Variants in FAM9B observed in about 807,000 individuals in gnomAD.
The protein encoded by FAM9B is protein FAM9B.
In FAM9B, 18 loss-of-function variants were observed where a neutral mutation model predicts 16.6. The observed-to-expected ratio is 1.09, with a 90% CI of 0.75 to 1.61. FAM9B has a LOEUF of 1.61. FAM9B is among the 40% of genes most tolerant of loss of function. The pLI, the probability that FAM9B is intolerant of heterozygous loss-of-function variation, is 0.00. For synonymous variants in FAM9B, 43 were observed against 42.6 expected, an observed-to-expected ratio of 1.01 and a Z score of -0.03; for missense variants, 155 against 136.0, an observed-to-expected ratio of 1.14 and a Z score of -0.70.
chrX:9,028,802 C>T (rs1297017588), intron 6 of FAM9B, among the ~76,000 whole-genome samples: 1 of 111,532 alleles, frequency 9.0e-6, no homozygotes, highest in Non-Finnish European at 1.9e-5. Flanking sequence ...GTTTCTCCAA[C>T]TTCCCAACAT....
rs775253243 is a variant in FAM9B at position 9,032,761 on chromosome X, G to A, written c.28+198C>T. The A allele has an allele frequency of 6.8e-6, 4 of 586,776 alleles. No homozygotes were observed. The South Asian group carries it at 1.3e-4, about 19-fold the overall frequency. The allele number at this position is 586,776 out of a possible 1,213,427, so 48.4% of individuals were successfully genotyped here. A position where few individuals can be genotyped will look rare whatever the true frequency, so the allele number is the denominator to read the frequency against. On this transcript the variant is annotated intron_variant, in intron 2 of 8. Coordinates refer to ENST00000327220, the MANE Select transcript of FAM9B (RefSeq NM_205849.3). Reference sequence around the variant, plus strand: ...AGAGCATCTGTAACCCTGCTATGAGGGGGAGCCTTCCACGGGGAAGCCTAA... The same window carrying A: ...AGAGCATCTGTAACCCTGCTATGAGAGGGAGCCTTCCACGGGGAAGCCTAA...
At chrX:9,025,658 C>A in intron 7 of FAM9B, 75 bp from the exon 8 acceptor site, 1 of 763,581 alleles carries the variant, frequency 1.3e-6, no homozygotes, top group African/African-American at 2.1e-5. Flanking sequence ...AATTAAATGT[C>A]AAAAGGAAAC....
chrX:9,028,764 T>A (rs1920993162), intron 6 of FAM9B, among the ~76,000 whole-genome samples: 1 of 111,290 alleles, frequency 9.0e-6, no homozygotes. Flanking sequence ...GGATGCATAG[T>A]CCCAGCCCTT....
At position 9,032,947 on chromosome X, in the gene FAM9B, G is replaced by C; in HGVS notation, c.28+12C>G. The C allele has an allele frequency of 1.7e-6, 2 of 1,211,140 alleles. No homozygotes were observed. Among genetic ancestry groups the C allele is most frequent in the Non-Finnish European group, 2.2e-6 (2 of 895,138 alleles). On this transcript the variant is annotated intron_variant, in intron 2 of 8. Transcript: ENST00000327220. ...GTGCACCTTCTTCTGGGTCCCCTTG[G>C]GCTGTATTTACCTGCATGCTTCTTC...
chrX:9,028,529 G>C (rs999284098), intron 6 of FAM9B, among the ~76,000 whole-genome samples: 5 of 110,872 alleles, frequency 4.5e-5, no homozygotes, highest in Admixed American at 9.7e-5. Flanking sequence ...CAATGATAAA[G>C]AGCAACCATG....
rs1372489158 is a variant in FAM9B, at chrX:9,027,891, G to C, written c.469C>G (p.Leu157Val). ...ACCTTTACGAATTGGTCACGTAGCA[G>C]CTTCATCTCTTTCAGCCTCTCTCTC... ...VRRERLKEMK[L>V]LRDQFVKALE... Residue 157 changes from leucine to valine, a missense_variant, in exon 7 of 9, where the codon CTG (leucine) becomes GTG (valine). Transcript: ENST00000327220. The C allele has an allele frequency of 8.3e-7, 1 of 1,208,428 alleles. No individual in the cohort carries two copies. Among genetic ancestry groups the C allele is most frequent in the African/African-American group, 1.7e-5 (1 of 57,181 alleles).
chrX:9,028,106 T>C (rs1434432003), intron 6 of FAM9B, 140 bp from the exon 7 acceptor site: 5 of 441,132 alleles, frequency 1.1e-5, no homozygotes, highest in Non-Finnish European at 1.6e-5. Context: ...TTAGGACCAA[T>C]TTTAAACAAT....
rs749558057 is a variant in FAM9B at position 9,030,355 on chromosome X, G to A, written c.187C>T (p.Leu63Phe). ...TKKPEDTAED[L>F]TAKRKRMKMD... is the part of the protein sequence containing the mutation. ...TTCATCCTTTTTCTTTTTGCAGTAA[G>A]ATCCTCTTTAATGTCAGTTAGATAG... The change falls in exon 5 of 9, where the codon CTT becomes TTT. Residue 63 changes from leucine (L) to phenylalanine (F), a missense_variant. Leu to Phe is a conservative substitution (Grantham distance 22). Transcript: ENST00000327220. The A allele has an allele frequency of 8.4e-7, 1 of 1,185,082 alleles. No homozygotes were observed.
At chrX:9,030,151 T>C in intron 5 of FAM9B, 110 bp downstream of exon 5, 1 of 1,148,059 alleles carries the variant, frequency 8.7e-7, no homozygotes. Flanking sequence ...GTAAAATATG[T>C]TGTTCACTAG....
chrX:9,030,781 A>G (rs771612974), intron 4 of FAM9B: 1 of 113,559 alleles, frequency 8.8e-6, no homozygotes, highest in South Asian at 3.6e-4. Context: ...TATCTTATAT[A>G]ATAGAACCCT....
intron 2 of FAM9B, 54 bp downstream of exon 2, chrX:9,032,905 A>T: frequency 8.4e-7 from 1 of 1,196,236 alleles, no homozygotes; most frequent in Non-Finnish European, 1.1e-6. Context: ...GAAAGCAGAC[A>T]GACCGTCCTC....
At chrX:9,031,848 C>T (rs1178300866) in intron 4 of FAM9B, 1 of 292,144 alleles carries the variant, frequency 3.4e-6, no homozygotes, top group Non-Finnish European at 6.0e-6. Flanking sequence ...GTTTCTCCTC[C>T]ACTGTCCTCT....
intron 7 of FAM9B, among the ~76,000 whole-genome samples, chrX:9,027,052 C>T (rs1358851924): frequency 8.9e-6 from 1 of 111,914 alleles, no homozygotes; most frequent in African/African-American, 3.2e-5. Flanking sequence ...TCCACTGCTT[C>T]CTAAATTATC....
At chrX:9,029,811 A>G (rs1921015691) in intron 5 of FAM9B, among the ~76,000 whole-genome samples, 1 of 112,241 alleles carries the variant, frequency 8.9e-6, no homozygotes. Flanking sequence ...ACTTCACTTA[A>G]CTATTTCTCC....
Position 9,025,362 on chromosome X carries a change from C to A in FAM9B, c.*47G>T. ...GGTTGAAGAGACAACTGGGTAAGTG[C>A]CAACTTTTCCAAAAGCTGTTTCAAA... On this transcript the variant is annotated 3_prime_UTR_variant, in exon 9 of 9. Coordinates refer to ENST00000327220, the MANE Select transcript of FAM9B (RefSeq NM_205849.3). 1 of 424,018 alleles carries A rather than the reference C, an allele frequency of 2.4e-6. No individual in the cohort carries two copies. The highest frequency in any genetic ancestry group is 3.9e-6 in the Non-Finnish European group (1 of 254,128). The allele number at this position is 424,018 out of a possible 1,213,427, so 34.9% of individuals were successfully genotyped here. A position where few individuals can be genotyped will look rare whatever the true frequency, so the allele number is the denominator to read the frequency against.
At position 9,032,972 on chromosome X, in the gene FAM9B, C is replaced by T; in HGVS notation, c.15G>A (p.Gly5=). The T allele has an allele frequency of 1.7e-6, 2 of 1,211,799 alleles. No homozygotes were observed. Among genetic ancestry groups the T allele is most frequent in the Non-Finnish European group, 2.2e-6 (2 of 895,500 alleles). Reference sequence around the variant, plus strand: ...GGCTGTATTTACCTGCATGCTTCTTCCCCCAGGCCGCCATAAATTGAGCCT... The same window carrying T: ...GGCTGTATTTACCTGCATGCTTCTTTCCCCAGGCCGCCATAAATTGAGCCT... The part of the protein sequence containing the change: MAAW[G]KKHAGKDPVR... Residue 5 remains glycine, a synonymous_variant, in exon 2 of 9, where the codon GGG becomes GGA. Transcript: ENST00000327220.
In FAM9B at chrX:9,029,339, C is replaced by T; in HGVS notation, c.361G>A (p.Glu121Lys). 1 of 1,207,913 alleles carries T rather than the reference C, an allele frequency of 8.3e-7. No homozygotes were observed. The highest frequency in any genetic ancestry group is 1.8e-5 in the South Asian group (1 of 56,643). ...TCTTCCTCTTCTCCCTCTTCTTCTT[C>T]TTCCTCTTTCTGCTCGTCTGTGATG... Reference protein sequence around the residue: ...EYITDEQKEEEEEEGEEEELI... With the variant: ...EYITDEQKEEKEEEGEEEELI... The change falls in exon 6 of 9, where the codon GAA (glutamate) becomes AAA (lysine). Residue 121 changes from glutamate (E) to lysine (K), a missense_variant. Physicochemically the swap from Glu to Lys is moderately conservative, Grantham distance 56. Coordinates refer to ENST00000327220, the MANE Select transcript of FAM9B (RefSeq NM_205849.3).
chrX:9,027,850 T>C lies in FAM9B; in HGVS notation c.492+18A>G. 8.5e-7 allele frequency: 1 copy of C among 1,170,716 alleles called. No homozygotes were observed. The highest frequency in any genetic ancestry group is 1.8e-5 in the South Asian group (1 of 56,004). On this transcript the variant is annotated intron_variant, in intron 7 of 8. Transcript: ENST00000327220. ...GTGTTGTATTTTATAATGTATTATG[T>C]TACCAAATAGAACAGACCTTTACGA...
intron 7 of FAM9B, among the ~76,000 whole-genome samples, chrX:9,026,945 G>A (rs1272952397): frequency 9.0e-6 from 1 of 111,447 alleles, no homozygotes; most frequent in African/African-American, 3.3e-5. Flanking sequence ...TCTTTTCCCA[G>A]TTTATTTAAC....
Sources: gnomAD v4.1 joint callset for allele counts (sites outside exome capture counted in the v4.1 genomes callset) on GRCh38, gnomAD v4.1.1 for gene constraint, MANE v1.5 for transcripts, NCBI Gene and HGNC (gene_info 2026-07-23, HGNC 2026-07-21) for gene names.